The following RIMS2 variants were observed in gnomAD, a reference collection of about 807,000 sequenced individuals.
The protein encoded by RIMS2 is regulating synaptic membrane exocytosis protein 2.
Under a neutral mutation model 174.4 loss-of-function variants are expected in RIMS2, and 59 were observed. The observed-to-expected ratio is 0.34, with a 90% CI of 0.27 to 0.42. RIMS2 has a LOEUF of 0.42. Among genes scored for constraint, RIMS2 ranks in the 10% least tolerant of loss-of-function variants. RIMS2 has a pLI of 1.00. For synonymous variants in RIMS2, 606 were observed against 572.5 expected, an observed-to-expected ratio of 1.06 and a Z score of -0.84; for missense variants, 1,620 against 1,666.3, an observed-to-expected ratio of 0.97 and a Z score of 0.48.
At chr8:103,898,741 T>G (rs1244398881) in intron 4 of RIMS2, among the ~76,000 whole-genome samples, 1 of 151,578 alleles carries the variant, frequency 6.6e-6, no homozygotes, top group Non-Finnish European at 1.5e-5. Flanking sequence ...TTTATTATTA[T>G]ACTTTAAGTT....
intron 1 of RIMS2, among the ~76,000 whole-genome samples, chr8:103,544,751 A>G (rs1329407195): frequency 6.6e-6 from 1 of 152,248 alleles, no homozygotes; most frequent in Non-Finnish European, 1.5e-5. Flanking sequence ...AAGAAAAGAA[A>G]TACAGGCATG....
chr8:103,756,645 C>T (rs1021102555), intron 2 of RIMS2, among the ~76,000 whole-genome samples: 7 of 151,826 alleles, frequency 4.6e-5, no homozygotes, highest in Non-Finnish European at 7.4e-5. Context: ...AGGCTGGTCT[C>T]GAACTCCTGA....
intron 2 of RIMS2, among the ~76,000 whole-genome samples, chr8:103,752,890 T>G (rs866463127): frequency 8.5e-5 from 13 of 152,142 alleles, no homozygotes; most frequent in African/African-American, 3.1e-4. Flanking sequence ...ACAGGGACAA[T>G]TTGACTTCCT....
chr8:103,565,809 C>T (rs564957662), intron 1 of RIMS2, among the ~76,000 whole-genome samples: 4 of 152,046 alleles, frequency 2.6e-5, no homozygotes, highest in East Asian at 1.9e-4. Flanking sequence ...GCCACTGTCC[C>T]GGTTCTTGAC....
chr8:103,807,895 T>C (rs2098660699), intron 3 of RIMS2, among the ~76,000 whole-genome samples: 1 of 152,192 alleles, frequency 6.6e-6, no homozygotes, highest in Non-Finnish European at 1.5e-5. Context: ...AATTATATTT[T>C]TTAAGTTGAT....
chr8:103,797,679 A>G (rs1285251972), intron 3 of RIMS2, among the ~76,000 whole-genome samples: 1 of 152,168 alleles, frequency 6.6e-6, no homozygotes, highest in African/African-American at 2.4e-5. Context: ...TTTCTTAGAA[A>G]CTGGCAATGG....
At chr8:103,966,760 A>G (rs940920191) in intron 15 of RIMS2, among the ~76,000 whole-genome samples, 3 of 152,096 alleles carry the variant, frequency 2.0e-5, no homozygotes, top group Non-Finnish European at 4.4e-5. Context: ...ATTCAGTACT[A>G]TAAATTTTCT....
chr8:104,151,016 G>A (rs985297638), intron 19 of RIMS2, among the ~76,000 whole-genome samples: 7 of 152,158 alleles, frequency 4.6e-5, no homozygotes, highest in African/African-American at 1.7e-4. Context: ...ACCTGGAAAA[G>A]AGCATTTAAG....
intron 1 of RIMS2, among the ~76,000 whole-genome samples, chr8:103,550,713 G>A (rs2131576382): frequency 6.6e-6 from 1 of 151,916 alleles, no homozygotes; most frequent in South Asian, 2.1e-4. Context: ...CCACTAGCAA[G>A]ACTAATAAAG....
intron 1 of RIMS2, among the ~76,000 whole-genome samples, chr8:103,504,169 A>G (rs1822100483): frequency 6.6e-6 from 1 of 151,852 alleles, no homozygotes; most frequent in Non-Finnish European, 1.5e-5. Flanking sequence ...TTACTGACTA[A>G]TGTTTTTTTT....
intron 19 of RIMS2, among the ~76,000 whole-genome samples, chr8:104,138,395 G>A (rs559582605): frequency 1.6e-4 from 25 of 152,146 alleles, no homozygotes; most frequent in Non-Finnish European, 3.7e-4. Context: ...TCCCACCAAC[G>A]GTGTAAGAGG....
intron 2 of RIMS2, among the ~76,000 whole-genome samples, chr8:103,738,730 A>G (rs2097720026): frequency 6.6e-6 from 1 of 152,188 alleles, no homozygotes; most frequent in Admixed American, 6.5e-5. Context: ...GTATGAACAG[A>G]CACTTCTCAA....
chr8:104,111,481 C>T (rs1038466823), intron 19 of RIMS2, among the ~76,000 whole-genome samples: 11 of 152,176 alleles, frequency 7.2e-5, no homozygotes, highest in African/African-American at 2.2e-4. Context: ...GATCTCAGCT[C>T]ACTGCAACCT....
chr8:104,097,137 C>T (rs866590475), intron 19 of RIMS2, among the ~76,000 whole-genome samples: 14 of 151,930 alleles, frequency 9.2e-5, no homozygotes, highest in African/African-American at 1.2e-4. Flanking sequence ...CTGAATATTC[C>T]GTATCTGAAA....
chr8:103,675,998 A>G (rs551743464), intron 1 of RIMS2, among the ~76,000 whole-genome samples: 2 of 152,330 alleles, frequency 1.3e-5, no homozygotes, highest in East Asian at 3.9e-4. Flanking sequence ...TTATATCTGA[A>G]AAGCACAGAG....
intron 3 of RIMS2, chr8:103,769,047 A>C: frequency 3.3e-6 from 1 of 307,336 alleles, no homozygotes; most frequent in South Asian, 3.9e-5. Context: ...TGAATAACAA[A>C]TCGATAAGAT....
At chr8:104,090,519 A>G (rs1035802472) in intron 19 of RIMS2, among the ~76,000 whole-genome samples, 4 of 151,758 alleles carry the variant, frequency 2.6e-5, no homozygotes, top group South Asian at 2.1e-4. Context: ...ACAAAAACCA[A>G]TCAGGAAAGC....
intron 1 of RIMS2, among the ~76,000 whole-genome samples, chr8:103,579,110 A>G (rs1170104403): frequency 1.3e-5 from 2 of 152,152 alleles, no homozygotes; most frequent in Non-Finnish European, 2.9e-5. Flanking sequence ...ATGGGAAGAA[A>G]TACTTAAAGG....
At chr8:103,581,464 G>C (rs576467203) in intron 1 of RIMS2, among the ~76,000 whole-genome samples, 1 of 152,022 alleles carries the variant, frequency 6.6e-6, no homozygotes, top group Non-Finnish European at 1.5e-5. Context: ...GAATGTAGAA[G>C]GAACATAACT....
Sources: allele counts gnomAD v4.1 joint callset (sites outside exome capture counted in the v4.1 genomes callset), GRCh38; gene constraint gnomAD v4.1.1; transcripts MANE v1.5; gene names NCBI Gene and HGNC (gene_info 2026-07-23, HGNC 2026-07-21).